Variants in HIVEP2 observed in about 807,000 individuals in gnomAD.
HIVEP2 encodes the protein HIVEP zinc finger 2, also known as transcription factor HIVEP2.
In HIVEP2, 14 loss-of-function variants were observed where a neutral mutation model predicts 180.7. The observed-to-expected ratio is 0.08, with a 90% CI of 0.05 to 0.12. The LOEUF is 0.12. Among genes scored for constraint, HIVEP2 ranks in the 10% least tolerant of loss-of-function variants. The pLI is 1.00. For synonymous variants in HIVEP2, 1,184 were observed against 1,136.4 expected (o/e 1.04, Z -0.84); for missense variants, 2,579 against 3,008.5 (o/e 0.86, Z 3.34).
chr6:142,910,112 GGACA>G (rs1246889605), intron 1 of HIVEP2, among the ~76,000 whole-genome samples: 7 of 152,132 alleles, frequency 4.6e-5, no homozygotes, highest in African/African-American at 1.4e-4. Context: ...CCTAAAATAA[GGACA>G]AACAAGCTCT....
intron 2 of HIVEP2, among the ~76,000 whole-genome samples, chr6:142,824,340 C>T (rs1582891963): frequency 6.6e-6 from 1 of 152,288 alleles, no homozygotes; most frequent in East Asian, 1.9e-4. Context: ...GATTTAATTA[C>T]TGTTCAAAAC....
Position 142,761,579 on chromosome 6 carries a change from C to G in HIVEP2, c.5519-14G>C. ...TCGTTAGGTTTCCTTGAAAATGTAG[C>G]AAAAAAAAGAGAGAAATTAATTGGT... On this transcript the variant is annotated splice_polypyrimidine_tract_variant and intron_variant, in intron 7 of 9. Transcript: ENST00000367603. The G allele has an allele frequency of 7.2e-7, 1 of 1,397,840 alleles. No homozygotes were observed. The highest frequency in any genetic ancestry group is 1.0e-6 in the Non-Finnish European group (1 of 991,286). The allele number at this position is 1,397,840 out of a possible 1,614,324, so 86.6% of individuals were successfully genotyped here.
At chr6:142,814,281 T>C (rs1277467996) in intron 2 of HIVEP2, among the ~76,000 whole-genome samples, 1 of 152,218 alleles carries the variant, frequency 6.6e-6, no homozygotes, top group Non-Finnish European at 1.5e-5. Context: ...TAAATAAATG[T>C]TGGTATTACT....
chr6:142,845,120 A>C (rs1316315183), intron 1 of HIVEP2, among the ~76,000 whole-genome samples: 1 of 152,258 alleles, frequency 6.6e-6, no homozygotes, highest in Non-Finnish European at 1.5e-5. Flanking sequence ...ATTTACATTA[A>C]GAAAACAGCA....
rs768399594 is a variant in HIVEP2, at chr6:142,770,802, C to T, written c.3937G>A (p.Val1313Ile). The T allele has an allele frequency of 6.2e-7, 1 of 1,614,208 alleles. No homozygotes were observed. The highest frequency in any genetic ancestry group is 8.5e-7 in the Non-Finnish European group (1 of 1,180,048). The change falls in exon 5 of 10, where the codon GTT (valine) becomes ATT (isoleucine). Residue 1313 changes from valine to isoleucine, a missense_variant. By Grantham distance (29) the Val-to-Ile change is conservative. Transcript: ENST00000367603. This position sits in a 1 kb window ranked among gnomAD's most constrained non-coding sequence, Gnocchi z 4.7. ...SKSTETPSEQ[V>I]LQEDFASANA... is the part of the protein sequence containing the mutation. ...GCCGAGGCAAAATCTTCTTGAAGAA[C>T]CTGCTCAGAGGGCGTTTCAGTTGAC...
At chr6:142,756,117 A>T (rs1040751768) in intron 9 of HIVEP2, among the ~76,000 whole-genome samples, 5 of 152,260 alleles carry the variant, frequency 3.3e-5, no homozygotes, top group Non-Finnish European at 7.3e-5. Context: ...ACATATACAC[A>T]TATGTACAAA....
Position 142,772,907 on chromosome 6 carries a change from T to C in HIVEP2, c.1832A>G (p.His611Arg). Residue 611 changes from histidine (H) to arginine (R), a missense_variant, in exon 5 of 10, where the codon CAT becomes CGT. Around this residue, in one of 11 missense-constraint regions of HIVEP2, gnomAD observed 524 missense variants for 563.6 expected, o/e 0.93. Coordinates refer to ENST00000367603, the MANE Select transcript of HIVEP2 (RefSeq NM_006734.4). This position sits in a 1 kb window ranked among gnomAD's most constrained non-coding sequence, Gnocchi z 4.9. ...GCTGATACCCTTCAACATCCTGCCA[T>C]GGTGCTCGACTTCCACGTGGCCCTC... ...VQEGHVEVEH[H>R]GRMLKGISSS... 6.2e-7 allele frequency: 1 copy of C among 1,614,196 alleles called. No homozygotes were observed. Among genetic ancestry groups the C allele is most frequent in the South Asian group, 1.1e-5 (1 of 91,082 alleles).
chr6:142,769,083 C>T (rs1775450894), intron 5 of HIVEP2, among the ~76,000 whole-genome samples: 1 of 152,168 alleles, frequency 6.6e-6, no homozygotes, highest in Admixed American at 6.5e-5. Context: ...TTGAAGGAGA[C>T]AGATGTCTCG....
chr6:142,815,317 G>A (rs1776805322), intron 2 of HIVEP2, among the ~76,000 whole-genome samples: 1 of 152,156 alleles, frequency 6.6e-6, no homozygotes, highest in South Asian at 2.1e-4. Context: ...CAATGATGGA[G>A]ACTGAGGAGT....
chr6:142,785,399 G>T (rs1775975378), intron 2 of HIVEP2, among the ~76,000 whole-genome samples: 1 of 132,194 alleles, frequency 7.6e-6, no homozygotes, highest in Non-Finnish European at 1.6e-5. Context: ...ATGCATCCAA[G>T]ACATAAATGG....
intron 1 of HIVEP2, among the ~76,000 whole-genome samples, chr6:142,934,891 C>G (rs1419421806): frequency 1.3e-5 from 2 of 152,164 alleles, no homozygotes; most frequent in Non-Finnish European, 2.9e-5. Context: ...CTCCCTCTTT[C>G]ACACCTAATT....
In HIVEP2 at chr6:142,752,970, T is replaced by C. The variant is rs1582823673; in HGVS notation, c.*137A>G. The C allele has an allele frequency of 6.4e-6, 4 of 622,788 alleles. No homozygotes were observed. In the East Asian group the frequency reaches 1.1e-4, roughly 17 times the overall value. The allele number at this position is 622,788 out of a possible 1,614,324, so 38.6% of individuals were successfully genotyped here. ...TTGTTAATTTACCTAATTCTTTTGATATAACAAAAGTATATATAATAGCAA... is the reference window on the plus strand; with the variant it reads ...TTGTTAATTTACCTAATTCTTTTGACATAACAAAAGTATATATAATAGCAA... On this transcript the variant is annotated 3_prime_UTR_variant, in exon 10 of 10. Coordinates refer to ENST00000367603, the MANE Select transcript of HIVEP2 (RefSeq NM_006734.4).
chr6:142,776,766 C>T (rs1160880520), intron 3 of HIVEP2, among the ~76,000 whole-genome samples: 1 of 152,128 alleles, frequency 6.6e-6, no homozygotes, highest in Non-Finnish European at 1.5e-5. Flanking sequence ...CTCCTGGGCT[C>T]AAGCAATCTG....
chr6:142,755,446 T>C (rs1167308982), intron 9 of HIVEP2, among the ~76,000 whole-genome samples: 1 of 152,248 alleles, frequency 6.6e-6, no homozygotes, highest in Non-Finnish European at 1.5e-5. Flanking sequence ...TCTTTGAAGA[T>C]AATCAAGTAC....
In HIVEP2 at chr6:142,798,453, C is replaced by A. The variant is rs1776330407; in HGVS notation, c.-527-14838G>T. ...CCCTGTTCCTTGCTGTCAATAGTGTCATACAAATGCTATAATTAAAACGCC... is the reference window on the plus strand; with the variant it reads ...CCCTGTTCCTTGCTGTCAATAGTGTAATACAAATGCTATAATTAAAACGCC... On this transcript the variant is annotated intron_variant, in intron 2 of 9. Coordinates refer to ENST00000367603, the MANE Select transcript of HIVEP2 (RefSeq NM_006734.4). Among the ~76,000 whole-genome samples, 4 of 152,078 alleles carry A rather than the reference C, an allele frequency of 2.6e-5. No homozygotes were observed. In the East Asian group the frequency reaches 7.7e-4, roughly 29 times the overall value.
chr6:142,938,796 T>C (rs894885367), intron 1 of HIVEP2, among the ~76,000 whole-genome samples: 7 of 152,202 alleles, frequency 4.6e-5, no homozygotes, highest in African/African-American at 1.2e-4. Context: ...ATCTGCTTTT[T>C]TTCTTCTTGC....
intron 1 of HIVEP2, among the ~76,000 whole-genome samples, chr6:142,847,411 C>T (rs75293047): frequency 0.016 from 2,348 of 149,952 alleles, 71 homozygotes; most frequent in African/African-American, 0.055. Flanking sequence ...AAATATGAAG[C>T]CATGAAATGT....
chr6:142,799,981 A>G (rs563980237), intron 2 of HIVEP2, among the ~76,000 whole-genome samples: 42 of 152,222 alleles, frequency 2.8e-4, no homozygotes, highest in Admixed American at 7.9e-4. Flanking sequence ...GCTAAAGGCT[A>G]TTTTTTTCCT....
At chr6:142,895,785 T>A (rs1221584482) in intron 1 of HIVEP2, among the ~76,000 whole-genome samples, 1 of 152,066 alleles carries the variant, frequency 6.6e-6, no homozygotes, top group African/African-American at 2.4e-5. Flanking sequence ...GAATAGAGAG[T>A]GGATCAAACC....
Sources: allele counts gnomAD v4.1 joint callset (sites outside exome capture counted in the v4.1 genomes callset), GRCh38; gene constraint gnomAD v4.1.1; regional missense constraint gnomAD v4.1.1; non-coding constraint Gnocchi (gnomAD v3.1); transcripts MANE v1.5; gene names NCBI Gene and HGNC (gene_info 2026-07-23, HGNC 2026-07-21).